ZNF730: variants seen among roughly 807,000 people sequenced by gnomAD.
The protein encoded by ZNF730 is putative zinc finger protein 730.
In ZNF730, 12 loss-of-function variants were observed where a neutral mutation model predicts 12.6. The ratio of observed to expected loss-of-function variants is 0.95; its 90% CI spans 0.61 to 1.54. The LOEUF (loss-of-function observed/expected upper bound fraction) is 1.54, where lower values mean the gene tolerates loss of function less well. Ranked by LOEUF, ZNF730 falls within the 40% of genes most tolerant of loss-of-function variation. The probability of loss-of-function intolerance (pLI) is 0.00; values close to 1 mark genes in which losing one functional copy is unlikely to be tolerated. For missense variants in ZNF730, 643 were observed against 583.5 expected (o/e 1.10, Z -1.05); for synonymous variants, 194 against 195.8 (o/e 0.99, Z 0.08).
chr19:23,131,140 CACAAGAAGTAAATATAAAA>C (rs1970738414), intron 1 of ZNF730, among the ~76,000 whole-genome samples: 1 of 152,134 alleles, frequency 6.6e-6, no homozygotes, highest in South Asian at 2.1e-4. Flanking sequence ...CTCCCCAAGC[CACAAGAAGTAAATATAAAA>C]ACAATAAAAA....
Position 23,146,660 on chromosome 19 carries a change from A to C in ZNF730, c.*104A>C, listed in dbSNP as rs2145717258. 6.5e-7 allele frequency: 1 copy of C among 1,544,298 alleles called. No homozygotes were observed. Among genetic ancestry groups the C allele is most frequent in the Middle Eastern group, 1.7e-4 (1 of 5,940 alleles). On this transcript the variant is annotated 3_prime_UTR_variant, in exon 4 of 4. Transcript: ENST00000597761. The stretch of plus-strand genomic sequence containing the variant: ...CCCTACAAATGTGAAGAATGTGGCA[A>C]AGCTTTTAACCAGTCCTCAAATCTT...
chr19:23,089,424 GA>G (rs1212963727), intron 1 of ZNF730, among the ~76,000 whole-genome samples: 1 of 152,096 alleles, frequency 6.6e-6, no homozygotes, highest in Non-Finnish European at 1.5e-5. Flanking sequence ...TCTCCATTCA[GA>G]TCTCAATTTG....
intron 1 of ZNF730, among the ~76,000 whole-genome samples, chr19:23,107,024 A>G (rs1193879038): frequency 6.6e-6 from 1 of 151,674 alleles, no homozygotes; most frequent in East Asian, 1.9e-4. Flanking sequence ...TCAAAGGGAG[A>G]ATTTTAGAAT....
intron 1 of ZNF730, among the ~76,000 whole-genome samples, chr19:23,082,983 G>A (rs1472992880): frequency 6.6e-6 from 1 of 152,178 alleles, no homozygotes; most frequent in East Asian, 1.9e-4. Flanking sequence ...ACAGGTGTGA[G>A]CCACCGGACC....
Position 23,146,378 on chromosome 19 carries a change from T to A in ZNF730, c.1334T>A (p.Ile445Asn). 1 of 1,613,154 alleles carries A rather than the reference T, an allele frequency of 6.2e-7. No homozygotes were observed. The highest frequency in any genetic ancestry group is 8.5e-7 in the Non-Finnish European group (1 of 1,179,764). Reference sequence around the variant, plus strand: ...TCAACCCTTACTACACATAAAAGAATTCATACTGGAGAGAAACCCTATGAA... The same window carrying A: ...TCAACCCTTACTACACATAAAAGAAATCATACTGGAGAGAAACCCTATGAA... Reference protein sequence around the residue: ...QSSTLTTHKRIHTGEKPYECE... With the variant: ...QSSTLTTHKRNHTGEKPYECE... The change falls in exon 4 of 4, where the codon ATT (isoleucine) becomes AAT (asparagine). Residue 445 changes from isoleucine (I) to asparagine (N), a missense_variant. By Grantham distance (149) the Ile-to-Asn change is moderately radical. Coordinates refer to ENST00000597761, the MANE Select transcript of ZNF730 (RefSeq NM_001277403.2).
At position 23,092,978 on chromosome 19, in the gene ZNF730, T is replaced by C. The variant is rs541852814; in HGVS notation, c.-94+17591T>C. On this transcript the variant is annotated intron_variant, in intron 1 of 2. Coordinates refer to the ZNF730 transcript ENST00000593635. Reference sequence around the variant, plus strand: ...TTAGGGAGAAGTCCCTTCTCCTCAATTGTTTTTTTGTTTTTGTTTTTGTTT... The same window carrying C: ...TTAGGGAGAAGTCCCTTCTCCTCAACTGTTTTTTTGTTTTTGTTTTTGTTT... 7.9e-5 allele frequency among the ~76,000 whole-genome samples: 12 copies of C among 152,250 alleles called. 1 individual carries two copies. In the East Asian group the frequency reaches 1.9e-3, roughly 24 times the overall value.
rs535467886 is a variant in ZNF730, at chr19:23,137,779, G to A, written c.226+1736G>A. Among the ~76,000 whole-genome samples, 4 of 152,338 alleles carry A rather than the reference G, an allele frequency of 2.6e-5. No individual in the cohort carries two copies. In the East Asian group the frequency reaches 7.7e-4, roughly 29 times the overall value. The stretch of plus-strand genomic sequence containing the variant: ...TGCCCTCTGGGCTTATAGTGGAGAG[G>A]GGTTGTAGCTTGGTAACAAGGCTGC... On this transcript the variant is annotated intron_variant, in intron 3 of 3. Transcript: ENST00000597761.
chr19:23,128,454 C>A (rs1599593826), intron 1 of ZNF730: 1 of 351,966 alleles, frequency 2.8e-6, no homozygotes, highest in Non-Finnish European at 5.4e-6. Flanking sequence ...AGAAGTGGAA[C>A]CATCCCAAAA....
Position 23,146,488 on chromosome 19 carries a change from T to C in ZNF730, c.1444T>C (p.Cys482Arg), listed in dbSNP as rs776737755. The change falls in exon 4 of 4, where the codon TGT becomes CGT. Residue 482 changes from cysteine to arginine, a missense_variant. Cys to Arg is a radical substitution (Grantham distance 180). Transcript: ENST00000597761. The stretch of plus-strand genomic sequence containing the variant: ...TCATTCTGGGGAAAAAATCTACAAA[T>C]GTAAAGAATGTGGTAAAGCCTTTAG... The part of the protein sequence containing the change: ...IIHSGEKIYK[C>R]KECGKAFRRF... The C allele has an allele frequency of 6.8e-5, 109 of 1,602,378 alleles. No individual in the cohort carries two copies. Among genetic ancestry groups the C allele is most frequent in the Admixed American group, 5.1e-5 (3 of 58,448 alleles).
intron 1 of ZNF730, among the ~76,000 whole-genome samples, chr19:23,088,416 T>C (rs1033006898): frequency 3.9e-5 from 6 of 152,180 alleles, no homozygotes; most frequent in Non-Finnish European, 7.3e-5. Context: ...TTTTGAGATA[T>C]ATTTTTTCAA....
chr19:23,120,156 G>A (rs1007895052), intron 1 of ZNF730, among the ~76,000 whole-genome samples: 16 of 151,690 alleles, frequency 1.1e-4, no homozygotes, highest in African/African-American at 2.4e-4. Context: ...CACCATGACC[G>A]GCTAATTTTT....
chr19:23,100,143 C>T (rs1970313414), intron 1 of ZNF730: 1 of 152,158 alleles, frequency 6.6e-6, no homozygotes, highest in African/African-American at 2.4e-5. Flanking sequence ...TATGTCTTCA[C>T]CAATCACTGA....
chr19:23,111,729 T>C (rs951826831), intron 1 of ZNF730, among the ~76,000 whole-genome samples: 1 of 150,004 alleles, frequency 6.7e-6, no homozygotes, highest in Non-Finnish European at 1.5e-5. Context: ...AGTCTGGAGA[T>C]AGAACAAGAC....
At chr19:23,136,796 A>T (rs1005920782) in intron 3 of ZNF730, among the ~76,000 whole-genome samples, 3 of 151,412 alleles carry the variant, frequency 2.0e-5, no homozygotes, top group African/African-American at 7.3e-5. Flanking sequence ...TTTCATGTAA[A>T]TTTTGGAATT....
chr19:23,077,522 C>G (rs1969886061), intron 1 of ZNF730, among the ~76,000 whole-genome samples: 1 of 145,498 alleles, frequency 6.9e-6, no homozygotes, highest in South Asian at 2.2e-4. Context: ...ACTGCAACCT[C>G]CAACTCCTGG....
At chr19:23,075,973 C>G (rs141324109) in intron 1 of ZNF730, among the ~76,000 whole-genome samples, 211 of 152,086 alleles carry the variant, frequency 1.4e-3, no homozygotes, top group African/African-American at 4.9e-3. Context: ...CCACTTTAGT[C>G]TAATTTCCTG....
At position 23,146,200 on chromosome 19, in the gene ZNF730, C is replaced by T. The variant is rs566150276; in HGVS notation, c.1156C>T (p.His386Tyr). ...AFNQSSTLTI[H>Y]KIIHTVEKFY... Reference sequence around the variant, plus strand: ...TAACCAATCCTCAACTCTTACTATACATAAGATAATTCATACTGTAGAGAA... The same window carrying T: ...TAACCAATCCTCAACTCTTACTATATATAAGATAATTCATACTGTAGAGAA... The change falls in exon 4 of 4, where the codon CAT becomes TAT. Residue 386 changes from histidine to tyrosine, a missense_variant. Transcript: ENST00000597761. 91 of 1,609,896 alleles carry T rather than the reference C, an allele frequency of 5.7e-5. No individual in the cohort carries two copies. In the South Asian group the frequency reaches 8.5e-4, roughly 15 times the overall value.
At chr19:23,127,129 C>T (rs939189977) in intron 1 of ZNF730, 4 of 508,318 alleles carry the variant, frequency 7.9e-6, no homozygotes, top group Admixed American at 7.3e-5. Flanking sequence ...ATCCTTATCT[C>T]GGTTATGATA....
At chr19:23,124,760 A>T (rs1970641444) in intron 1 of ZNF730, among the ~76,000 whole-genome samples, 1 of 152,222 alleles carries the variant, frequency 6.6e-6, no homozygotes, top group Admixed American at 6.5e-5. Context: ...TGGGTGAAAA[A>T]CAAGGAAGAG....
Sources: allele counts gnomAD v4.1 joint callset (sites outside exome capture counted in the v4.1 genomes callset), GRCh38; gene constraint gnomAD v4.1.1; transcripts MANE v1.5; gene names NCBI Gene and HGNC (gene_info 2026-07-23, HGNC 2026-07-21).